NCAM1: variants seen among roughly 807,000 people sequenced by gnomAD.
NCAM1 encodes the protein antigen recognized by monoclonal antibody 5.1H11.
In NCAM1, 14 loss-of-function variants were observed where a neutral mutation model predicts 109.8. The ratio of observed to expected loss-of-function variants is 0.13; its 90% CI spans 0.08 to 0.20. The LOEUF (loss-of-function observed/expected upper bound fraction) is 0.20, where lower values mean the gene tolerates loss of function less well. NCAM1 is among the 10% of genes least tolerant of loss of function. NCAM1 has a pLI of 1.00. For missense variants in NCAM1, 774 were observed against 1,109.9 expected (o/e 0.70, Z 4.30); for synonymous variants, 418 against 442.9 (o/e 0.94, Z 0.70).
intron 1 of NCAM1, among the ~76,000 whole-genome samples, chr11:113,059,582 G>A (rs1225296852): frequency 6.6e-6 from 1 of 152,074 alleles, no homozygotes; most frequent in Non-Finnish European, 1.5e-5. Context: ...TCACAGCCTG[G>A]GGGTCGCAGG....
chr11:113,140,859 T>C (rs1941791521), intron 1 of NCAM1, among the ~76,000 whole-genome samples: 2 of 152,216 alleles, frequency 1.3e-5, no homozygotes, highest in Admixed American at 6.5e-5. Flanking sequence ...AAGATACAAA[T>C]AGTGAATTAA....
chr11:113,130,984 CCTTTT>C (rs1177604880), intron 1 of NCAM1, among the ~76,000 whole-genome samples: 1 of 152,134 alleles, frequency 6.6e-6, no homozygotes, highest in African/African-American at 2.4e-5. Context: ...CTACTAGAGA[CCTTTT>C]CTTTTCTATT....
In NCAM1 at chr11:113,185,079, TAG is replaced by T. The variant is rs782462491; in HGVS notation, c.53-17266_53-17265del. On this transcript the variant is annotated intron_variant, in intron 1 of 19. Transcript: ENST00000316851. ...GTGTGCATTTATATTTATATATATA[TAG>T]AGAGAGAGAGAGAGAGAGAGAGAGA... Among the ~76,000 whole-genome samples the T allele has an allele frequency of 3.0e-3, 379 of 125,666 alleles. 5 individuals carry two copies. The highest frequency in any genetic ancestry group is 0.011 in the East Asian group (37 of 3,478). The allele number at this position is 125,666 out of a possible 152,430, so 82.4% of individuals were successfully genotyped here.
At chr11:113,030,707 C>A (rs1447330123) in intron 1 of NCAM1, among the ~76,000 whole-genome samples, 1 of 152,112 alleles carries the variant, frequency 6.6e-6, no homozygotes, top group Non-Finnish European at 1.5e-5. Flanking sequence ...CTTTGGTATA[C>A]AAAGTAGTAC....
intron 1 of NCAM1, among the ~76,000 whole-genome samples, chr11:113,013,303 A>G (rs181442947): frequency 2.0e-5 from 3 of 151,812 alleles, no homozygotes; most frequent in Admixed American, 2.0e-4. Context: ...GCGCGTGCCT[A>G]TAATCCCAGC....
chr11:113,240,920 G>A, intron 14 of NCAM1: 1 of 1,336,892 alleles, frequency 7.5e-7, no homozygotes, highest in Non-Finnish European at 1.1e-6. Context: ...TCCTTCACCA[G>A]GTGATAATTC....
chr11:113,175,408 C>A (rs1242816024), intron 1 of NCAM1, among the ~76,000 whole-genome samples: 1 of 152,168 alleles, frequency 6.6e-6, no homozygotes, highest in Non-Finnish European at 1.5e-5. Flanking sequence ...GGAAACTTTG[C>A]CCTGTTGGTT....
intron 17 of NCAM1, chr11:113,263,695 G>C (rs1461266094): frequency 9.8e-5 from 97 of 985,564 alleles, no homozygotes; most frequent in Non-Finnish European, 1.1e-4. Flanking sequence ...CTGCTGCCTG[G>C]CAGCATGTCG....
At chr11:113,230,375 T>C (rs781832187) in intron 9 of NCAM1, among the ~76,000 whole-genome samples, 1 of 152,192 alleles carries the variant, frequency 6.6e-6, no homozygotes, top group Non-Finnish European at 1.5e-5. Flanking sequence ...TCTGTCTTCT[T>C]GCTAGAGTTG....
intron 1 of NCAM1, among the ~76,000 whole-genome samples, chr11:113,150,276 A>G (rs1942178294): frequency 6.6e-6 from 1 of 152,170 alleles, no homozygotes; most frequent in Non-Finnish European, 1.5e-5. Context: ...AAAAAAATGG[A>G]TTGGGCCATC....
intron 1 of NCAM1, among the ~76,000 whole-genome samples, chr11:113,192,659 A>G (rs1455533501): frequency 3.3e-5 from 5 of 152,180 alleles, no homozygotes; most frequent in African/African-American, 1.2e-4. Context: ...ACAGTTGAAG[A>G]AATAACTACT....
intron 8 of NCAM1, among the ~76,000 whole-genome samples, chr11:113,217,996 G>A (rs782013753): frequency 1.3e-5 from 2 of 152,146 alleles, no homozygotes; most frequent in Non-Finnish European, 2.9e-5. Context: ...TAACCAGTCA[G>A]GACTGACTTT....
intron 1 of NCAM1, among the ~76,000 whole-genome samples, chr11:113,124,852 A>T (rs1256322866): frequency 1.3e-5 from 2 of 152,214 alleles, no homozygotes; most frequent in East Asian, 1.9e-4. Context: ...ACTTCTGCTA[A>T]ATTTCTCAGC....
At chr11:113,192,900 T>A (rs567958926) in intron 1 of NCAM1, among the ~76,000 whole-genome samples, 3 of 152,340 alleles carry the variant, frequency 2.0e-5, no homozygotes, top group East Asian at 3.9e-4. Context: ...GACTCCAACA[T>A]AGTAGAAGAT....
chr11:113,272,459 G>A (rs868946802), intron 19 of NCAM1, among the ~76,000 whole-genome samples: 11 of 152,236 alleles, frequency 7.2e-5, no homozygotes, highest in African/African-American at 2.2e-4. Flanking sequence ...CTGAGTACTC[G>A]TGATCTGCCT....
intron 1 of NCAM1, among the ~76,000 whole-genome samples, chr11:113,120,022 T>A (rs1349479230): frequency 6.6e-6 from 1 of 152,244 alleles, no homozygotes; most frequent in Non-Finnish European, 1.5e-5. Flanking sequence ...GTACTCTAGC[T>A]GTTAGACTTA....
intron 1 of NCAM1, among the ~76,000 whole-genome samples, chr11:113,188,923 T>G (rs1482419117): frequency 6.6e-6 from 1 of 152,114 alleles, no homozygotes; most frequent in Non-Finnish European, 1.5e-5. Context: ...GGTGCTGGGA[T>G]GCCAGGCAGA....
At chr11:113,251,609 T>C (rs1555121338) in intron 15 of NCAM1, among the ~76,000 whole-genome samples, 1 of 152,186 alleles carries the variant, frequency 6.6e-6, no homozygotes, top group African/African-American at 2.4e-5. Context: ...GGTGTAGTCT[T>C]TACATAATAC....
In NCAM1 at chr11:113,007,271, T is replaced by G. The variant is rs145522393; in HGVS notation, c.52+45607T>G. On this transcript the variant is annotated intron_variant, in intron 1 of 19. Coordinates refer to ENST00000316851, the MANE Select transcript of NCAM1 (RefSeq NM_181351.5). Reference sequence around the variant, plus strand: ...CAGTGGGTGTGTGCTCATGGCTCATTGTAGCCTCAACCTTCTGGGCTCAAG... The same window carrying G: ...CAGTGGGTGTGTGCTCATGGCTCATGGTAGCCTCAACCTTCTGGGCTCAAG... 6.7e-4 allele frequency among the ~76,000 whole-genome samples: 102 copies of G among 152,238 alleles called. 1 individual carries two copies. Among genetic ancestry groups the G allele is most frequent in the African/African-American group, 2.4e-3 (99 of 41,538 alleles).
Sources: allele counts gnomAD v4.1 joint callset (sites outside exome capture counted in the v4.1 genomes callset), GRCh38; gene constraint gnomAD v4.1.1; transcripts MANE v1.5; gene names NCBI Gene and HGNC (gene_info 2026-07-23, HGNC 2026-07-21).